Variants in CUX1 observed in about 807,000 individuals in gnomAD.
CUX1 encodes the protein cut like homeobox 1, also known as protein CASP.
In CUX1, 31 loss-of-function variants were observed where a neutral mutation model predicts 158.8. That is an observed-to-expected ratio of 0.20 (90% CI 0.15 to 0.26). CUX1 has a LOEUF of 0.26. Among genes scored for constraint, CUX1 ranks in the 10% least tolerant of loss-of-function variants. The pLI is 1.00. For missense variants in CUX1, 1,589 were observed against 2,014.6 expected, an observed-to-expected ratio of 0.79 and a Z score of 4.04; for synonymous variants, 879 against 862.1, an observed-to-expected ratio of 1.02 and a Z score of -0.34.
rs186494489 is a variant in CUX1, at chr7:102,098,672, C to T, written c.406+1171C>T. Among the ~76,000 whole-genome samples, 70 of 151,420 alleles carry T rather than the reference C, an allele frequency of 4.6e-4. 1 individual carries two copies. Among genetic ancestry groups the T allele is most frequent in the Middle Eastern group, 3.4e-3 (1 of 294 alleles). On this transcript the variant is annotated intron_variant, in intron 5 of 23. Coordinates refer to ENST00000292535, the MANE Select transcript of CUX1 (RefSeq NM_181552.4). ...TTTTTTTTTTTTTGAGATGGAGTCT[C>T]GCTCTGTCGCCCAGGCTGGAGTGCA...
Position 102,256,937 on chromosome 7 carries a change from C to A in CUX1, c.*7895C>A. On this transcript the variant is annotated 3_prime_UTR_variant, in exon 24 of 24. Coordinates refer to ENST00000292535, the MANE Select transcript of CUX1 (RefSeq NM_181552.4). ...TCAAAGCAACAGTGTTTTGTAGTAC[C>A]AGGCTGTGGCTTGAGGGCTCACCTA... 2.0e-6 allele frequency: 2 copies of A among 985,438 alleles called. No individual in the cohort carries two copies. Among genetic ancestry groups the A allele is most frequent in the Non-Finnish European group, 2.4e-6 (2 of 829,954 alleles). The allele number at this position is 985,438 out of a possible 1,614,324, so 61.0% of individuals were successfully genotyped here.
chr7:101,845,169 G>A (rs969612472), intron 1 of CUX1, among the ~76,000 whole-genome samples: 2 of 151,754 alleles, frequency 1.3e-5, no homozygotes, highest in Non-Finnish European at 2.9e-5. Context: ...TTTTTGAAAT[G>A]GAGATGGGGT....
intron 2 of CUX1, among the ~76,000 whole-genome samples, chr7:102,007,818 C>G (rs540592567): frequency 6.6e-6 from 1 of 151,810 alleles, no homozygotes; most frequent in Non-Finnish European, 1.5e-5. Context: ...GATCTCGGCT[C>G]ACTGCAACCT....
chr7:102,224,737 A>C (rs1423422529), intron 20 of CUX1, among the ~76,000 whole-genome samples: 1 of 152,214 alleles, frequency 6.6e-6, no homozygotes, highest in Non-Finnish European at 1.5e-5. Flanking sequence ...CACTGGAAGA[A>C]AGAACTGTAC....
chr7:102,216,602 ACACACACACACACTCCC>A (rs1563425261), intron 20 of CUX1, among the ~76,000 whole-genome samples: 42 of 29,340 alleles, frequency 1.4e-3, no homozygotes, highest in Middle Eastern at 0.015. Flanking sequence ...ACACTCCCAC[ACACACACACACACTCCC>A]CACACACACA....
chr7:101,879,555 C>T (rs182836679), intron 1 of CUX1, among the ~76,000 whole-genome samples: 1 of 152,230 alleles, frequency 6.6e-6, no homozygotes, highest in African/African-American at 2.4e-5. Flanking sequence ...ACCATTGCTC[C>T]AGTTGTCTTC....
At chr7:102,174,961 A>G (rs13228151) in intron 10 of CUX1, among the ~76,000 whole-genome samples, 17 of 152,148 alleles carry the variant, frequency 1.1e-4, no homozygotes, top group Admixed American at 3.9e-4. Flanking sequence ...AAAAACAAAA[A>G]CAAAAAAAAC....
At chr7:101,999,249 G>A (rs1014357245) in intron 2 of CUX1, among the ~76,000 whole-genome samples, 2 of 98,282 alleles carry the variant, frequency 2.0e-5, no homozygotes, top group Non-Finnish European at 3.8e-5. Flanking sequence ...TTAAGATGGG[G>A]TCTTGCTTGT....
chr7:102,271,233 C>T (rs1791191510), intron 14 of CUX1, among the ~76,000 whole-genome samples: 2 of 152,184 alleles, frequency 1.3e-5, no homozygotes, highest in Admixed American at 6.5e-5. Flanking sequence ...CTTCCCTGAG[C>T]CTTGTTGGAG....
intron 1 of CUX1, among the ~76,000 whole-genome samples, chr7:101,912,089 G>A (rs1342861274): frequency 1.3e-5 from 2 of 152,134 alleles, no homozygotes; most frequent in East Asian, 3.9e-4. Context: ...GGTGTTTCTA[G>A]CTGGAGAGGA....
chr7:102,034,158 A>AAAAAAAAT (rs1821141724), intron 3 of CUX1, among the ~76,000 whole-genome samples: 1 of 150,900 alleles, frequency 6.6e-6, no homozygotes, highest in African/African-American at 2.4e-5. Flanking sequence ...AAAAAAAAAA[A>AAAAAAAAT]AAAAAAAAAG....
At chr7:102,243,896 A>G (rs1211591968) in intron 23 of CUX1, among the ~76,000 whole-genome samples, 1 of 151,940 alleles carries the variant, frequency 6.6e-6, no homozygotes, top group Non-Finnish European at 1.5e-5. Context: ...GTGTGGTGGC[A>G]CATGCCTGTA....
chr7:101,917,082 C>T (rs1416926405), intron 2 of CUX1, among the ~76,000 whole-genome samples: 3 of 152,240 alleles, frequency 2.0e-5, no homozygotes, highest in African/African-American at 4.8e-5. Flanking sequence ...CCCACAGCTT[C>T]GGCCCGGCTT....
At chr7:102,007,538 G>A (rs971868295) in intron 2 of CUX1, among the ~76,000 whole-genome samples, 1 of 151,538 alleles carries the variant, frequency 6.6e-6, no homozygotes, top group African/African-American at 2.4e-5. Flanking sequence ...TTCACCACCA[G>A]ATCAGTTCCT....
chr7:102,178,437 C>T (rs782562419), intron 10 of CUX1, 32 bp from the exon 11 acceptor site: 18 of 1,562,974 alleles, frequency 1.2e-5, no homozygotes, highest in Non-Finnish European at 8.7e-6. Flanking sequence ...TCAAGGCCAG[C>T]GCAGTTTTGT....
intron 2 of CUX1, among the ~76,000 whole-genome samples, chr7:101,944,344 T>C (rs939951665): frequency 2.0e-5 from 3 of 152,176 alleles, no homozygotes; most frequent in Non-Finnish European, 1.5e-5. Flanking sequence ...CAGGAAGGCG[T>C]TGATACATTT....
intron 14 of CUX1, among the ~76,000 whole-genome samples, chr7:102,273,142 T>C (rs1791348387): frequency 6.6e-6 from 1 of 152,180 alleles, no homozygotes. Flanking sequence ...CAGAGAGTGC[T>C]TGGGGCCAGG....
intron 2 of CUX1, among the ~76,000 whole-genome samples, chr7:102,017,290 C>A (rs1469586654): frequency 2.1e-3 from 276 of 131,434 alleles, no homozygotes; most frequent in Admixed American, 2.4e-3. Context: ...GACTCCATCT[C>A]AAAAAAAAAA....
At chr7:102,073,187 T>C (rs1223165039) in intron 4 of CUX1, among the ~76,000 whole-genome samples, 1 of 125,118 alleles carries the variant, frequency 8.0e-6, no homozygotes, top group Non-Finnish European at 1.7e-5. Context: ...TTTTTTTTTT[T>C]TTCTGAGACA....
Sources: allele counts gnomAD v4.1 joint callset (sites outside exome capture counted in the v4.1 genomes callset), GRCh38; gene constraint gnomAD v4.1.1; transcripts MANE v1.5; gene names NCBI Gene and HGNC (gene_info 2026-07-23, HGNC 2026-07-21).